Variants in FRMPD4 observed in about 807,000 individuals in gnomAD.
The protein encoded by FRMPD4 is FERM and PDZ domain-containing protein 4.
FRMPD4 carries 22 observed loss-of-function variants against 94.1 expected under a neutral mutation model. That is an observed-to-expected ratio of 0.23 (90% confidence interval 0.17 to 0.33). The LOEUF (loss-of-function observed/expected upper bound fraction) is 0.33, where lower values mean the gene tolerates loss of function less well. Ranked by LOEUF, FRMPD4 falls within the 10% of genes least tolerant of loss-of-function variation. The pLI is 1.00. For synonymous variants in FRMPD4, 631 were observed against 548.6 expected (o/e 1.15, Z -2.10); for missense variants, 1,111 against 1,339.9 (o/e 0.83, Z 2.67).
chrX:12,304,878 A>G (rs751245300), intron 1 of FRMPD4, among the ~76,000 whole-genome samples: 1 of 112,462 alleles, frequency 8.9e-6, no homozygotes, highest in South Asian at 3.7e-4. Context: ...AATATGCCAT[A>G]GAGAACCTCA....
At chrX:12,451,733 CGTGTGTGTGTGTGTGT>C (rs72300557) in intron 1 of FRMPD4, among the ~76,000 whole-genome samples, 14 of 98,812 alleles carry the variant, frequency 1.4e-4, no homozygotes, top group African/African-American at 4.0e-4. Flanking sequence ...TGTGTATGCC[CGTGTGTGTGTGTGTGT>C]GTGTGTGTGT....
At chrX:12,137,496 G>A (rs1190328093), upstream of FRMPD4, among the ~76,000 whole-genome samples, 1 of 112,068 alleles carries the variant, frequency 8.9e-6, no homozygotes, top group Non-Finnish European at 1.9e-5. Context: ...CTTTGCGGTG[G>A]CCCTGCCGCC....
intron 1 of FRMPD4, among the ~76,000 whole-genome samples, chrX:12,298,276 C>T (rs1053154344): frequency 1.3e-4 from 15 of 112,045 alleles, no homozygotes; most frequent in Admixed American, 9.4e-5. Flanking sequence ...CACACAGATC[C>T]CCTCAATGTA....
chrX:12,555,072 T>C (rs995945148), intron 2 of FRMPD4, among the ~76,000 whole-genome samples: 1 of 112,028 alleles, frequency 8.9e-6, no homozygotes, highest in Non-Finnish European at 1.9e-5. Context: ...ACATTCAGAA[T>C]AGCCACCTTC....
At chrX:12,457,051 A>G in intron 1 of FRMPD4, among the ~76,000 whole-genome samples, 1 of 112,348 alleles carries the variant, frequency 8.9e-6, no homozygotes, top group Non-Finnish European at 1.9e-5. Context: ...ATAAAACTCT[A>G]GCCACTCTGA....
chrX:12,023,175 G>C (rs1450517121), intron 3 of FRMPD4, among the ~76,000 whole-genome samples: 1 of 111,518 alleles, frequency 9.0e-6, no homozygotes, highest in Non-Finnish European at 1.9e-5. Flanking sequence ...TGAAAAGATG[G>C]CTAACTAGGA....
intron 3 of FRMPD4, among the ~76,000 whole-genome samples, chrX:12,014,318 G>T (rs1175829912): frequency 8.9e-6 from 1 of 112,400 alleles, no homozygotes; most frequent in Non-Finnish European, 1.9e-5. Context: ...TGCTGTTCCA[G>T]TAACTCATGA....
Position 12,007,283 on chromosome X carries a change from G to A in FRMPD4, c.95+129265G>A, listed in dbSNP as rs189732651. The stretch of plus-strand genomic sequence containing the variant: ...GAATAAGCCATGTTGGAATTGGATC[G>A]TTTTTAGCTTCAGCAGAACTGACCC... On this transcript the variant is annotated intron_variant, in intron 3 of 18. Transcript: ENST00000640291. Among the ~76,000 whole-genome samples the A allele has an allele frequency of 2.2e-3, 252 of 112,062 alleles. 3 individuals carry two copies. The highest frequency in any genetic ancestry group is 6.8e-3 in the African/African-American group (209 of 30,853).
At chrX:12,307,017 T>C (rs939027307) in intron 1 of FRMPD4, among the ~76,000 whole-genome samples, 1 of 111,934 alleles carries the variant, frequency 8.9e-6, no homozygotes, top group Non-Finnish European at 1.9e-5. Context: ...AAGTGTGGGG[T>C]GTGCTGGACT....
In FRMPD4 at chrX:12,498,770, C is replaced by T. The variant is rs1234894033; in HGVS notation, c.132C>T (p.Asn44=). ...VPPYGWEMTA[N]RDGRDYFINH... ...CCTATGGATGGGAGATGACGGCAAACCGAGATGGGCGAGACTACTTCATCA... is the reference window on the plus strand; with the variant it reads ...CCTATGGATGGGAGATGACGGCAAATCGAGATGGGCGAGACTACTTCATCA... Residue 44 remains asparagine, a synonymous_variant, in exon 2 of 17, where the codon AAC becomes AAT. Coordinates refer to ENST00000675598, the MANE Select transcript of FRMPD4 (RefSeq NM_001368397.1). The T allele has an allele frequency of 3.5e-6, 4 of 1,155,679 alleles. No homozygotes were observed. The highest frequency in any genetic ancestry group is 1.8e-5 in the South Asian group (1 of 54,145).
intron 2 of FRMPD4, among the ~76,000 whole-genome samples, chrX:12,550,235 T>C (rs1000401856): frequency 9.0e-6 from 1 of 111,159 alleles, no homozygotes; most frequent in South Asian, 3.8e-4. Context: ...GTGGCAGGTA[T>C]GTAGATAGAG....
At chrX:12,051,992 G>A (rs771473066) in intron 3 of FRMPD4, among the ~76,000 whole-genome samples, 9 of 111,905 alleles carry the variant, frequency 8.0e-5, no homozygotes, top group Admixed American at 3.8e-4. Context: ...GTTTACTGTA[G>A]AGATTATAAA....
chrX:12,388,368 A>G (rs944192870), intron 1 of FRMPD4, among the ~76,000 whole-genome samples: 2 of 111,975 alleles, frequency 1.8e-5, no homozygotes, highest in Non-Finnish European at 3.8e-5. Context: ...GCACTTTGGG[A>G]GGCCAAAGCG....
chrX:12,039,981 A>AG (rs1171677024), intron 3 of FRMPD4, among the ~76,000 whole-genome samples: 4 of 105,161 alleles, frequency 3.8e-5, no homozygotes, highest in Non-Finnish European at 8.0e-5. Flanking sequence ...AAAAAAAAAA[A>AG]AAAGAAAAAA....
At chrX:12,672,705 A>G (rs2059856149) in intron 4 of FRMPD4, among the ~76,000 whole-genome samples, 1 of 111,780 alleles carries the variant, frequency 8.9e-6, no homozygotes, top group South Asian at 3.8e-4. Flanking sequence ...AGTTCATCTT[A>G]GCACCCTGTA....
intron 4 of FRMPD4, among the ~76,000 whole-genome samples, chrX:12,644,386 T>C (rs1363112827): frequency 8.9e-6 from 1 of 112,153 alleles, no homozygotes; most frequent in Non-Finnish European, 1.9e-5. Flanking sequence ...AGAGCATCTT[T>C]AGGGACATAC....
chrX:12,223,463 G>A (rs1323377309), intron 1 of FRMPD4, among the ~76,000 whole-genome samples: 1 of 111,753 alleles, frequency 8.9e-6, no homozygotes, highest in East Asian at 2.8e-4. Flanking sequence ...GGTAAAGGGT[G>A]GGAAGGGAGA....
intron 3 of FRMPD4, among the ~76,000 whole-genome samples, chrX:12,106,575 C>T (rs1019725136): frequency 3.6e-5 from 4 of 111,282 alleles, no homozygotes; most frequent in Non-Finnish European, 7.5e-5. Context: ...GGGTGCAGCC[C>T]ACCGAGCATG....
At chrX:11,929,190 A>C (rs191598717) in intron 3 of FRMPD4, among the ~76,000 whole-genome samples, 3 of 112,214 alleles carry the variant, frequency 2.7e-5, no homozygotes, top group Non-Finnish European at 5.6e-5. Flanking sequence ...TAATCTGTAC[A>C]ACAAACCCCC....
Sources: allele counts gnomAD v4.1 joint callset (sites outside exome capture counted in the v4.1 genomes callset), GRCh38; gene constraint gnomAD v4.1.1; transcripts MANE v1.5; gene names NCBI Gene and HGNC (gene_info 2026-07-23, HGNC 2026-07-21).